The following PM20D1 variants were observed in gnomAD, a reference collection of about 807,000 sequenced individuals.
PM20D1 encodes the protein N-fatty-acyl-amino acid synthase/hydrolase PM20D1.
PM20D1 carries 53 observed loss-of-function variants against 53.8 expected under a neutral mutation model. The ratio of observed to expected loss-of-function variants is 0.98; its 90% CI spans 0.79 to 1.24. PM20D1 has a LOEUF of 1.24. Among genes scored for constraint, PM20D1 ranks in the 50% most tolerant of loss-of-function variants. The pLI is 0.00. For synonymous variants in PM20D1, 239 were observed against 241.3 expected (o/e 0.99, Z 0.09); for missense variants, 564 against 616.8 (o/e 0.91, Z 0.91).
In PM20D1 at chr1:205,842,754, G is replaced by A; in HGVS notation, c.828-3C>T. 6.2e-7 allele frequency: 1 copy of A among 1,613,770 alleles called. No homozygotes were observed. Among genetic ancestry groups the A allele is most frequent in the Non-Finnish European group, 8.5e-7 (1 of 1,179,950 alleles). ...TAGGCATTGGTGTCTGCTCCAATCT[G>A]GAAGAGAAACAGAGTCCTCAAGACT... On this transcript the variant is annotated splice_region_variant and splice_polypyrimidine_tract_variant and intron_variant, in intron 6 of 12. Transcript: ENST00000367136.
chr1:205,843,929 A>AT, intron 5 of PM20D1, 143 bp from the exon 6 acceptor site: 1 of 1,466,708 alleles, frequency 6.8e-7, no homozygotes, highest in Non-Finnish European at 9.2e-7. Flanking sequence ...TGGAGGAAGA[A>AT]TGGAAGGGGA....
At chr1:205,834,672 A>T (rs1252039790) in intron 10 of PM20D1, among the ~76,000 whole-genome samples, 1 of 152,234 alleles carries the variant, frequency 6.6e-6, no homozygotes, top group Non-Finnish European at 1.5e-5. Flanking sequence ...GAATTAATGC[A>T]CGGTCTTGAC....
Position 205,832,600 on chromosome 1 carries a change from G to T in PM20D1, c.1283C>A (p.Pro428Gln), listed in dbSNP as rs1247399020. Residue 428 changes from proline (P) to glutamine (Q), a missense_variant and splice_region_variant, in exon 11 of 13, where the codon CCA (proline) becomes CAA (glutamine). Pro to Gln is a moderately conservative substitution (Grantham distance 76). Transcript: ENST00000367136. ...GCCACAGCTGATGAAGTCATTACCT[G>T]GGGCAGTAATATTGACTTCCGGGAA... ...SVFPEVNITA[P>Q]VTSIGNTDSR... The T allele has an allele frequency of 6.2e-7, 1 of 1,614,054 alleles. No homozygotes were observed. Among genetic ancestry groups the T allele is most frequent in the East Asian group, 2.2e-5 (1 of 44,876 alleles).
intron 5 of PM20D1, 144 bp from the exon 6 acceptor site, chr1:205,843,930 T>C: frequency 6.8e-7 from 1 of 1,464,072 alleles, no homozygotes. Context: ...GGAGGAAGAA[T>C]GGAAGGGGAA....
intron 9 of PM20D1, among the ~76,000 whole-genome samples, chr1:205,841,366 G>A (rs767288003): frequency 4.6e-5 from 7 of 152,092 alleles, no homozygotes; most frequent in Non-Finnish European, 1.0e-4. Flanking sequence ...TCTCAACTGG[G>A]TATTGGGGCA....
rs1034661790 is a variant in PM20D1 at position 205,828,533 on chromosome 1, A to T, written c.*87T>A. The T allele has an allele frequency of 5.2e-6, 8 of 1,547,250 alleles. No homozygotes were observed. The highest frequency in any genetic ancestry group is 7.0e-6 in the Non-Finnish European group (8 of 1,142,622). On this transcript the variant is annotated 3_prime_UTR_variant, in exon 13 of 13. Coordinates refer to ENST00000367136, the MANE Select transcript of PM20D1 (RefSeq NM_152491.5). ...GGCAATGTTTTACAATGTGGTTTTG[A>T]TCAAAAGTTTCATCAACACTAGCTT...
chr1:205,848,364 T>G (rs1414786268), intron 1 of PM20D1, among the ~76,000 whole-genome samples: 1 of 152,188 alleles, frequency 6.6e-6, no homozygotes, highest in Non-Finnish European at 1.5e-5. Context: ...GAATCCAAGC[T>G]TCATCATTCT....
intron 1 of PM20D1, among the ~76,000 whole-genome samples, chr1:205,848,499 G>A (rs1433173905): frequency 6.6e-6 from 1 of 152,158 alleles, no homozygotes; most frequent in Non-Finnish European, 1.5e-5. Flanking sequence ...GGCATATAAT[G>A]CCTGGGAAGG....
At position 205,845,493 on chromosome 1, in the gene PM20D1, C is replaced by T; in HGVS notation, c.321G>A (p.Leu107=). ...QHEVVEEYSH[L]FTIQGSDPSL... The stretch of plus-strand genomic sequence containing the variant: ...TGGGGTCCGAGCCTTGGATAGTGAA[C>T]AGGTGGCTATACTCTTCCACGACTT... Residue 107 remains leucine (L), a synonymous_variant, in exon 3 of 13, where the codon CTG becomes CTA. Coordinates refer to ENST00000367136, the MANE Select transcript of PM20D1 (RefSeq NM_152491.5). The T allele has an allele frequency of 6.2e-7, 1 of 1,614,214 alleles. No homozygotes were observed. Among genetic ancestry groups the T allele is most frequent in the Non-Finnish European group, 8.5e-7 (1 of 1,180,028 alleles).
At chr1:205,848,980 T>A (rs1657066525) in intron 1 of PM20D1, among the ~76,000 whole-genome samples, 1 of 152,222 alleles carries the variant, frequency 6.6e-6, no homozygotes, top group Non-Finnish European at 1.5e-5. Context: ...CTGTGCAGAC[T>A]GTGAGTGGCT....
chr1:205,837,590 G>A (rs1052944720), intron 10 of PM20D1, among the ~76,000 whole-genome samples: 1 of 152,206 alleles, frequency 6.6e-6, no homozygotes, highest in Non-Finnish European at 1.5e-5. Flanking sequence ...GAGTGTTCCT[G>A]ACGCATGGAA....
At chr1:205,845,967 C>T (rs945802088) in intron 2 of PM20D1, among the ~76,000 whole-genome samples, 2 of 151,444 alleles carry the variant, frequency 1.3e-5, no homozygotes, top group African/African-American at 4.9e-5. Context: ...CCTGTAATCC[C>T]TGCTACTCAG....
chr1:205,829,938 TG>T (rs1292439025), intron 12 of PM20D1: 2 of 203,532 alleles, frequency 9.8e-6, no homozygotes, highest in Non-Finnish European at 2.0e-5. Context: ...CTCCCCATTT[TG>T]TAAGTGGAGA....
rs369950557 is a variant in PM20D1 at position 205,830,339 on chromosome 1, G to A, written c.1326C>T (p.Asn442=). 33 of 1,612,922 alleles carry A rather than the reference G, an allele frequency of 2.0e-5. No homozygotes were observed. In the African/African-American group the frequency reaches 4.3e-4, roughly 21 times the overall value. The change falls in exon 12 of 13, where the codon AAC becomes AAT. Residue 442 remains asparagine (N), a synonymous_variant. Coordinates refer to ENST00000367136, the MANE Select transcript of PM20D1 (RefSeq NM_152491.5). ...AGAACCTGTAGATGCCAGTGGTGAG[G>A]TTTGTAAAGAATCGGCTGTCTGTGT... is the stretch of plus-strand genomic sequence containing the variant. ...IGNTDSRFFT[N]LTTGIYRFYP...
chr1:205,832,100 A>G (rs1039248749), intron 11 of PM20D1, among the ~76,000 whole-genome samples: 1 of 152,108 alleles, frequency 6.6e-6, no homozygotes, highest in Admixed American at 6.6e-5. Flanking sequence ...CAAAGCACAG[A>G]TTTGGATGGG....
chr1:205,842,606 T>C, intron 7 of PM20D1, 70 bp downstream of exon 7: 5 of 1,498,732 alleles, frequency 3.3e-6, no homozygotes, highest in Non-Finnish European at 4.6e-6. Flanking sequence ...CTTTTCTTAC[T>C]CTAAAGGTTA....
rs11540014 is a variant in PM20D1 at position 205,849,976 on chromosome 1, G to C, written c.97C>G (p.His33Asp). Residue 33 changes from histidine to aspartate, a missense_variant, in exon 1 of 13, where the codon CAT (histidine) becomes GAT (aspartate). His to Asp is a moderately conservative substitution (Grantham distance 81, BLOSUM62 -1). Transcript: ENST00000367136. Reference sequence around the variant, plus strand: ...GAAGGGATTCGCGACGCCCTTTGATGCTCCCCGCTCCTCGGGCCCATCGAT... The same window carrying C: ...GAAGGGATTCGCGACGCCCTTTGATCCTCCCCGCTCCTCGGGCCCATCGAT... ...SRSMGPRSGE[H>D]QRASRIPSQF... The C allele has an allele frequency of 7.4e-6, 12 of 1,613,888 alleles. No individual in the cohort carries two copies. The South Asian group carries it at 1.1e-4, about 15-fold the overall frequency.
chr1:205,849,808 C>A, intron 1 of PM20D1, 96 bp downstream of exon 1: 1 of 1,462,118 alleles, frequency 6.8e-7, no homozygotes, highest in East Asian at 2.4e-5. Context: ...GCTGCAGTAG[C>A]AGATGCTTTG....
In PM20D1 at chr1:205,842,675, C is replaced by A; in HGVS notation, c.903+1G>T. Reference sequence around the variant, plus strand: ...GGAGTATGTGATACTTCTTCCCATACCTCATTTGCCAGTTGCTGCAATACA... The same window carrying A: ...GGAGTATGTGATACTTCTTCCCATAACTCATTTGCCAGTTGCTGCAATACA... On this transcript the variant is annotated splice_donor_variant, in intron 7 of 12. Coordinates refer to ENST00000367136, the MANE Select transcript of PM20D1 (RefSeq NM_152491.5). LOFTEE classifies it high-confidence loss of function. 1 of 1,613,918 alleles carries A rather than the reference C, an allele frequency of 6.2e-7. No homozygotes were observed. The highest frequency in any genetic ancestry group is 2.2e-5 in the East Asian group (1 of 44,880).
Sources: gnomAD v4.1 joint callset for allele counts (sites outside exome capture counted in the v4.1 genomes callset) on GRCh38, gnomAD v4.1.1 for gene constraint, MANE v1.5 for transcripts, NCBI Gene and HGNC (gene_info 2026-07-23, HGNC 2026-07-21) for gene names.